TP63: variants seen among roughly 807,000 people sequenced by gnomAD.
TP63 encodes tumor protein 63.
A neutral mutation model predicts 82.8 loss-of-function variants in TP63; 17 were observed. The ratio of observed to expected loss-of-function variants is 0.21; its 90% CI spans 0.14 to 0.31. The LOEUF (loss-of-function observed/expected upper bound fraction) is 0.31, where lower values mean the gene tolerates loss of function less well. Ranked by LOEUF, TP63 falls within the 10% of genes least tolerant of loss-of-function variation. The pLI is 1.00. For missense variants in TP63, 648 were observed against 895.3 expected, an observed-to-expected ratio of 0.72 and a Z score of 3.52; for synonymous variants, 330 against 321.7, an observed-to-expected ratio of 1.03 and a Z score of -0.28.
chr3:189,599,278 G>A, the TP63 span, among the ~76,000 whole-genome samples: 4 of 152,188 alleles, frequency 2.6e-5, no homozygotes, highest in African/African-American at 9.6e-5. Flanking sequence ...GTTACAACCA[G>A]CCACTTTGCT....
intron 4 of TP63, among the ~76,000 whole-genome samples, chr3:189,813,874 G>A (rs982533027): frequency 6.6e-6 from 1 of 152,136 alleles, no homozygotes; most frequent in Admixed American, 6.5e-5. Context: ...TTAACTGCCC[G>A]TGAATTTGTT....
chr3:189,631,726 C>T, intron 1 of TP63, 149 bp downstream of exon 1: 1 of 1,531,076 alleles, frequency 6.5e-7, no homozygotes, highest in Non-Finnish European at 8.8e-7. Flanking sequence ...TTAAAGTGGT[C>T]TGTGGACATA....
chr3:189,890,198 G>C (rs532678538), intron 12 of TP63, among the ~76,000 whole-genome samples: 1 of 152,076 alleles, frequency 6.6e-6, no homozygotes, highest in Non-Finnish European at 1.5e-5. Context: ...TCAATCACAG[G>C]GATGGCAAAG....
At chr3:189,871,849 G>A (rs986412326) in intron 9 of TP63, among the ~76,000 whole-genome samples, 2 of 152,146 alleles carry the variant, frequency 1.3e-5, no homozygotes, top group Non-Finnish European at 2.9e-5. Context: ...ACCTCCCCAG[G>A]TAGCTGGGAC....
chr3:189,681,774 G>A (rs573910768), intron 1 of TP63, among the ~76,000 whole-genome samples: 12 of 151,972 alleles, frequency 7.9e-5, no homozygotes, highest in Admixed American at 2.6e-4. Context: ...ACTTCCTCAG[G>A]TTCTCTCCTC....
intron 3 of TP63, among the ~76,000 whole-genome samples, chr3:189,790,220 T>C (rs1696003793): frequency 6.6e-6 from 1 of 152,084 alleles, no homozygotes; most frequent in South Asian, 2.1e-4. Flanking sequence ...ATCAGTTGAC[T>C]GTGTCTTAAC....
intron 13 of TP63, 79 bp downstream of exon 13, chr3:189,890,961 C>T (rs1003657195): frequency 7.1e-7 from 1 of 1,402,418 alleles, no homozygotes. Flanking sequence ...TAGTTCAATC[C>T]CTGATAGTTT....
the TP63 span, among the ~76,000 whole-genome samples, chr3:189,607,992 A>G: frequency 1.4e-5 from 2 of 140,974 alleles, no homozygotes; most frequent in Non-Finnish European, 3.1e-5. Context: ...AGCCCTTACA[A>G]ACAGAGCAAA....
chr3:189,836,720 C>A (rs1182189260), intron 4 of TP63, among the ~76,000 whole-genome samples: 1 of 152,156 alleles, frequency 6.6e-6, no homozygotes, highest in Non-Finnish European at 1.5e-5. Flanking sequence ...TCTTCCTCTT[C>A]AGTGTCAGGC....
At chr3:189,810,646 A>C (rs1229792289) in intron 4 of TP63, among the ~76,000 whole-genome samples, 4 of 152,056 alleles carry the variant, frequency 2.6e-5, no homozygotes, top group Non-Finnish European at 5.9e-5. Context: ...TCACGAGGTC[A>C]GGAGTTCAAG....
chr3:189,765,433 C>CTTTTTTGTTTTTTTTTTTTTTTTT (rs1722872745), intron 3 of TP63, among the ~76,000 whole-genome samples: 1 of 30,088 alleles, frequency 3.3e-5, no homozygotes, highest in Non-Finnish European at 5.9e-5. Context: ...CTGTCCTCTG[C>CTTTTTTGTTTTTTTTTTTTTTTTT]TTTTTTTTTT....
At chr3:189,623,472 C>T in the TP63 span, among the ~76,000 whole-genome samples, 1 of 152,178 alleles carries the variant, frequency 6.6e-6, no homozygotes, top group African/African-American at 2.4e-5. Flanking sequence ...CTTGGGGTCA[C>T]AGCCATGCCA....
chr3:189,875,593 C>CATAT (rs774764336), intron 10 of TP63, among the ~76,000 whole-genome samples: 1,784 of 39,900 alleles, frequency 0.045, 55 homozygotes, highest in Admixed American at 0.051. Context: ...AAAATACATA[C>CATAT]ATATATATAT....
the TP63 span, among the ~76,000 whole-genome samples, chr3:189,605,576 G>A: frequency 6.6e-5 from 10 of 152,064 alleles, no homozygotes; most frequent in Non-Finnish European, 1.0e-4. Context: ...TTTCTAAGCC[G>A]CAATATAGAT....
At chr3:189,734,140 C>A (rs541474120) in intron 1 of TP63, among the ~76,000 whole-genome samples, 3 of 129,538 alleles carry the variant, frequency 2.3e-5, no homozygotes, top group African/African-American at 9.0e-5. Flanking sequence ...CCCTCCCTCC[C>A]TCCCTCCGTC....
chr3:189,672,763 C>A (rs79606561), intron 1 of TP63, among the ~76,000 whole-genome samples: 5,857 of 151,634 alleles, frequency 0.039, 145 homozygotes, highest in Middle Eastern at 0.054. Flanking sequence ...CTAAGATAAA[C>A]ATAAAAATAA....
At chr3:189,728,300 T>C (rs993651050) in intron 1 of TP63, among the ~76,000 whole-genome samples, 7 of 152,200 alleles carry the variant, frequency 4.6e-5, no homozygotes, top group Admixed American at 4.6e-4. Context: ...TCTTATTAGT[T>C]GAGGCAACAG....
chr3:189,870,156 A>G (rs1718241962), intron 9 of TP63, among the ~76,000 whole-genome samples: 2 of 152,216 alleles, frequency 1.3e-5, no homozygotes, highest in Admixed American at 1.3e-4. Flanking sequence ...AAAAGTTCAC[A>G]AAATTGATAA....
chr3:189,751,499 A>T (rs1456779971), intron 3 of TP63, among the ~76,000 whole-genome samples: 1 of 152,128 alleles, frequency 6.6e-6, no homozygotes, highest in Non-Finnish European at 1.5e-5. Context: ...CTGACTTTTT[A>T]ATGATCGCCA....
Sources: allele counts gnomAD v4.1 joint callset (sites outside exome capture counted in the v4.1 genomes callset), GRCh38; gene constraint gnomAD v4.1.1; transcripts MANE v1.5; gene names NCBI Gene and HGNC (gene_info 2026-07-23, HGNC 2026-07-21).